Variants in DCAF13 observed in about 807,000 individuals in gnomAD.
The protein encoded by DCAF13 is DDB1- and CUL4-associated factor 13.
DCAF13 carries 38 observed loss-of-function variants against 59.0 expected under a neutral mutation model. The observed-to-expected ratio is 0.64, with a 90% CI of 0.50 to 0.84. The LOEUF is 0.84. DCAF13 is among the 40% of genes least tolerant of loss of function. The pLI is 0.00. For synonymous variants in DCAF13, 173 were observed against 175.0 expected (o/e 0.99, Z 0.09); for missense variants, 469 against 558.4 (o/e 0.84, Z 1.61).
intron 1 of DCAF13, among the ~76,000 whole-genome samples, chr8:103,416,714 C>T (rs865838674): frequency 2.0e-5 from 3 of 152,296 alleles, no homozygotes; most frequent in Non-Finnish European, 4.4e-5. Flanking sequence ...TCCCATCAGA[C>T]TTAGCCTCCA....
At position 103,420,993 on chromosome 8, in the gene DCAF13, A is replaced by G. The variant is rs920026512; in HGVS notation, c.289A>G (p.Thr97Ala). 3 of 1,612,094 alleles carry G rather than the reference A, an allele frequency of 1.9e-6. No homozygotes were observed. The highest frequency in any genetic ancestry group is 2.5e-6 in the Non-Finnish European group (3 of 1,178,392). ...CDGEVRIWNL[T>A]QRNCIRTIQA... The stretch of plus-strand genomic sequence containing the variant: ...ATCATAGGTTAGAATTTGGAATCTA[A>G]CTCAGCGGAATTGTATCCGTACAAT... The change falls in exon 3 of 11, where the codon ACT (threonine) becomes GCT (alanine). Residue 97 changes from threonine (T) to alanine (A), a missense_variant. This residue lies in a region of DCAF13 where 355 missense variants were observed against 399.1 expected (regional missense o/e 0.89). Coordinates refer to ENST00000612750, the MANE Select transcript of DCAF13 (RefSeq NM_015420.7).
intron 2 of DCAF13, 73 bp from the exon 3 acceptor site, chr8:103,420,902 T>C (rs967407867): frequency 3.7e-6 from 4 of 1,082,896 alleles, no homozygotes; most frequent in Middle Eastern, 2.4e-4. Context: ...TTCGTAGCCT[T>C]GTCAGTGTTG....
rs79466283 is a variant in DCAF13, at chr8:103,418,854, A to T, written c.71-1410A>T. Among the ~76,000 whole-genome samples the T allele has an allele frequency of 9.6e-3, 233 of 24,380 alleles. 4 individuals are homozygous for T. The highest frequency in any genetic ancestry group is 0.017 in the South Asian group (12 of 686). 16.0% of individuals were successfully genotyped at this position (24,380 alleles called of 152,430 possible). On this transcript the variant is annotated intron_variant, in intron 1 of 10. Transcript: ENST00000612750. ...TATATATATATATATATATATATAT[A>T]TATATATATATATTTTTTTTTTTTT...
intron 7 of DCAF13, 81 bp from the exon 8 acceptor site, chr8:103,435,545 T>C: frequency 8.3e-7 from 1 of 1,203,002 alleles, no homozygotes; most frequent in South Asian, 1.6e-5. Context: ...CAAATGGTTC[T>C]TGTTTTCAGT....
chr8:103,420,114 GAAC>G (rs1816701914), intron 1 of DCAF13, 147 bp from the exon 2 acceptor site: 9 of 716,884 alleles, frequency 1.3e-5, no homozygotes, highest in African/African-American at 1.8e-5. Flanking sequence ...AAAGATTTCT[GAAC>G]AACAGGTCTT....
chr8:103,431,786 T>G (rs527933029), intron 6 of DCAF13, among the ~76,000 whole-genome samples: 1 of 152,272 alleles, frequency 6.6e-6, no homozygotes, highest in East Asian at 1.9e-4. Flanking sequence ...ACACTCATTC[T>G]GTTTTTTTTT....
Position 103,427,270 on chromosome 8 carries a change from G to C in DCAF13, c.624+18G>C. ...CAATTGAGGTAATGTTTTTTTTTAA[G>C]TATGTTTTACTTATTATGGCTTAAT... On this transcript the variant is annotated intron_variant, in intron 5 of 10. Transcript: ENST00000612750. 6.3e-7 allele frequency: 1 copy of C among 1,595,090 alleles called. No individual in the cohort carries two copies. Among genetic ancestry groups the C allele is most frequent in the Non-Finnish European group, 8.6e-7 (1 of 1,166,174 alleles).
chr8:103,427,101 T>C lies in DCAF13; in HGVS notation c.473T>C (p.Val158Ala), dbSNP rs2130484061. The C allele has an allele frequency of 2.5e-6, 4 of 1,609,214 alleles. No individual in the cohort carries two copies. The highest frequency in any genetic ancestry group is 2.2e-5 in the East Asian group (1 of 44,774). Residue 158 changes from valine (V) to alanine (A), a missense_variant, in exon 5 of 11, where the codon GTG becomes GCG. Val to Ala is a moderately conservative substitution (Grantham distance 64, BLOSUM62 0). Around this residue, in one of 3 missense-constraint regions of DCAF13, gnomAD observed 355 missense variants for 399.1 expected, o/e 0.89. Transcript: ENST00000612750. Reference protein sequence around the residue: ...EPLHTILGKTVYTGIDHHWKE... With the variant: ...EPLHTILGKTAYTGIDHHWKE... The stretch of plus-strand genomic sequence containing the variant: ...TTAACCTTTTTGCTTTTAAAGACAG[T>C]GTATACTGGGATTGATCATCACTGG...
intron 6 of DCAF13, among the ~76,000 whole-genome samples, chr8:103,431,314 A>G (rs1374322430): frequency 6.6e-6 from 1 of 152,236 alleles, no homozygotes; most frequent in Non-Finnish European, 1.5e-5. Context: ...CATTGTAAGT[A>G]AAAGGGTATA....
chr8:103,419,665 T>TG (rs1418314101), intron 1 of DCAF13, among the ~76,000 whole-genome samples: 5 of 152,140 alleles, frequency 3.3e-5, no homozygotes, highest in Non-Finnish European at 7.4e-5. Flanking sequence ...AAAAGTGTAT[T>TG]GGAAGCCCTG....
chr8:103,439,295 TA>T (rs1816973493), intron 8 of DCAF13, among the ~76,000 whole-genome samples: 1 of 151,794 alleles, frequency 6.6e-6, no homozygotes, highest in Non-Finnish European at 1.5e-5. Context: ...CTGGCTCTAT[TA>T]AATTATTCTT....
chr8:103,441,912 C>T (rs887265477), intron 10 of DCAF13: 3 of 289,824 alleles, frequency 1.0e-5, no homozygotes, highest in African/African-American at 2.3e-5. Flanking sequence ...ACTACAGGCA[C>T]GCGCCACCAT....
intron 5 of DCAF13, chr8:103,428,931 C>G (rs1816827725): frequency 6.6e-6 from 1 of 151,654 alleles, no homozygotes; most frequent in Non-Finnish European, 1.5e-5. Flanking sequence ...TGCTATTAAC[C>G]TTATGAACTT....
intron 5 of DCAF13, chr8:103,429,373 C>T (rs749746739): frequency 2.0e-5 from 3 of 152,126 alleles, no homozygotes. Context: ...ATTTGAATTG[C>T]GTACAGACAG....
Position 103,427,210 on chromosome 8 carries a change from G to C in DCAF13, c.582G>C (p.Trp194Cys). 6.2e-7 allele frequency: 1 copy of C among 1,613,610 alleles called. No homozygotes were observed. Among genetic ancestry groups the C allele is most frequent in the Non-Finnish European group, 8.5e-7 (1 of 1,179,708 alleles). Residue 194 changes from tryptophan to cysteine, a missense_variant, in exon 5 of 11, where the codon TGG becomes TGC. Transcript: ENST00000612750. The part of the protein sequence containing the change: ...QRTNPICSMT[W>C]GFDSISSVKF... ...CTAATCCTATATGTTCAATGACCTG[G>C]GGATTTGACAGTATAAGTAGTGTTA...
intron 6 of DCAF13, among the ~76,000 whole-genome samples, chr8:103,431,007 GTAA>G (rs1307426598): frequency 1.3e-5 from 2 of 152,252 alleles, no homozygotes; most frequent in Non-Finnish European, 1.5e-5. Context: ...ACTTAACAGT[GTAA>G]TAATATTCAA....
At chr8:103,425,280 T>C (rs1248399797) in intron 3 of DCAF13, among the ~76,000 whole-genome samples, 1 of 152,204 alleles carries the variant, frequency 6.6e-6, no homozygotes, top group Admixed American at 6.5e-5. Context: ...CAAACTACAT[T>C]ATATGTTCTG....
intron 3 of DCAF13, among the ~76,000 whole-genome samples, chr8:103,423,069 C>G (rs540410431): frequency 6.6e-6 from 1 of 152,166 alleles, no homozygotes; most frequent in South Asian, 2.1e-4. Context: ...TTACTTTTCA[C>G]TAGAGGGGTG....
intron 3 of DCAF13, 107 bp from the exon 4 acceptor site, chr8:103,425,949 T>C (rs577175040): frequency 4.1e-5 from 31 of 749,978 alleles, no homozygotes; most frequent in South Asian, 2.5e-4. Flanking sequence ...TGGAATGATA[T>C]GGTATGTTAC....
Sources: gnomAD v4.1 joint callset for allele counts (sites outside exome capture counted in the v4.1 genomes callset) on GRCh38, gnomAD v4.1.1 for gene constraint, gnomAD v4.1.1 regional missense constraint, MANE v1.5 for transcripts, NCBI Gene and HGNC (gene_info 2026-07-23, HGNC 2026-07-21) for gene names.